Variants in WWP2 observed in about 807,000 individuals in gnomAD.
WWP2 encodes WW domain containing E3 ubiquitin protein ligase 2, also known as NEDD4-like E3 ubiquitin-protein ligase WWP2.
A neutral mutation model predicts 121.0 loss-of-function variants in WWP2; 57 were observed. The observed-to-expected ratio is 0.47, with a 90% confidence interval of 0.38 to 0.59. The LOEUF is 0.59. Among genes scored for constraint, WWP2 ranks in the 20% least tolerant of loss-of-function variants. The pLI, the probability that WWP2 is intolerant of heterozygous loss-of-function variation, is 0.00. For missense variants in WWP2, 962 were observed against 1,158.9 expected, an observed-to-expected ratio of 0.83 and a Z score of 2.47; for synonymous variants, 449 against 441.3, an observed-to-expected ratio of 1.02 and a Z score of -0.22.
At chr16:69,920,299 C>A (rs1007766616) in intron 10 of WWP2, among the ~76,000 whole-genome samples, 6 of 152,184 alleles carry the variant, frequency 3.9e-5, no homozygotes. Context: ...CCAGCCAGGG[C>A]CCCGCTGTCT....
Position 69,871,842 on chromosome 16 carries a change from C to T in WWP2, c.614C>T (p.Pro205Leu). 6.2e-7 allele frequency: 1 copy of T among 1,614,130 alleles called. No homozygotes were observed. The highest frequency in any genetic ancestry group is 8.5e-7 in the Non-Finnish European group (1 of 1,180,036). The change falls in exon 7 of 24, where the codon CCA (proline) becomes CTA (leucine). Residue 205 changes from proline (P) to leucine (L), a missense_variant. By Grantham distance (98) the Pro-to-Leu change is moderately conservative (BLOSUM62 -3). Coordinates refer to ENST00000359154, the MANE Select transcript of WWP2 (RefSeq NM_001270454.2). ...TCGGGTGCTTCAGCCAGAACAACCC[C>T]AGCAACCGGCGAGCAAAGCCCCGGT... is the stretch of plus-strand genomic sequence containing the variant. ...RHSGASARTT[P>L]ATGEQSPGAR... is the part of the protein sequence containing the mutation.
At chr16:69,924,424 T>C (rs1174031974) in intron 10 of WWP2, among the ~76,000 whole-genome samples, 1 of 152,074 alleles carries the variant, frequency 6.6e-6, no homozygotes, top group Non-Finnish European at 1.5e-5. Flanking sequence ...AAAATAAAAA[T>C]GCTTCAGAAA....
At chr16:69,816,720 C>T (rs1052235688) in intron 4 of WWP2, among the ~76,000 whole-genome samples, 1 of 152,054 alleles carries the variant, frequency 6.6e-6, no homozygotes, top group African/African-American at 2.4e-5. Context: ...TACACATGTA[C>T]ATACACACAT....
chr16:69,785,810 A>G lies in WWP2; in HGVS notation c.-15-1186A>G, dbSNP rs530339497. 4.6e-5 allele frequency among the ~76,000 whole-genome samples: 7 copies of G among 151,890 alleles called. No homozygotes were observed. In the East Asian group the frequency reaches 1.2e-3, roughly 25 times the overall value. On this transcript the variant is annotated intron_variant, in intron 1 of 23. Coordinates refer to ENST00000359154, the MANE Select transcript of WWP2 (RefSeq NM_001270454.2). ...CCCGACAAATTTGTTGTTTTTTAGT[A>G]TAGATGGGGTTTCATCATTATGGCC...
intron 8 of WWP2, among the ~76,000 whole-genome samples, chr16:69,904,294 T>C (rs1256814177): frequency 2.0e-5 from 3 of 152,092 alleles, no homozygotes. Context: ...CCTCTTGAGC[T>C]GGCAATATTG....
intron 10 of WWP2, among the ~76,000 whole-genome samples, chr16:69,918,138 G>A (rs1272353602): frequency 2.0e-5 from 3 of 152,204 alleles, no homozygotes; most frequent in East Asian, 1.9e-4. Flanking sequence ...TCTTTCTTCC[G>A]AGATCGGCTT....
At chr16:69,814,720 A>G (rs968039822) in intron 4 of WWP2, among the ~76,000 whole-genome samples, 1 of 152,216 alleles carries the variant, frequency 6.6e-6, no homozygotes, top group Non-Finnish European at 1.5e-5. Flanking sequence ...CAGGCCAGTC[A>G]TGAGCGGTGG....
chr16:69,833,509 A>G (rs1597022077), intron 4 of WWP2, among the ~76,000 whole-genome samples: 1 of 152,238 alleles, frequency 6.6e-6, no homozygotes, highest in Admixed American at 6.5e-5. Context: ...TTCAAAGGGC[A>G]CAGTCCCTGG....
chr16:69,911,356 C>G (rs776053002), intron 9 of WWP2, among the ~76,000 whole-genome samples: 5 of 152,154 alleles, frequency 3.3e-5, no homozygotes, highest in Admixed American at 2.6e-4. Flanking sequence ...CACTGTGAAA[C>G]AAGAGGATTG....
rs1283835088 is a variant in WWP2 at position 69,865,800 on chromosome 16, G to A, written c.576-6004G>A. ...CCTGTCCATCAGAAGGTGAAGCAGA[G>A]GACAGAAAGATACTGAGTGCACAGC... On this transcript the variant is annotated intron_variant, in intron 6 of 23. Coordinates refer to ENST00000359154, the MANE Select transcript of WWP2 (RefSeq NM_001270454.2). Among the ~76,000 whole-genome samples the A allele has an allele frequency of 7.2e-5, 11 of 152,186 alleles. No homozygotes were observed. The South Asian group carries it at 2.3e-3, about 31-fold the overall frequency.
chr16:69,843,688 G>A (rs1418486852), intron 6 of WWP2, among the ~76,000 whole-genome samples: 1 of 151,876 alleles, frequency 6.6e-6, no homozygotes, highest in African/African-American at 2.4e-5. Context: ...GGGCAACCTA[G>A]GGAGGCTCTG....
intron 6 of WWP2, among the ~76,000 whole-genome samples, chr16:69,846,548 T>A (rs536818228): frequency 5.1e-4 from 77 of 152,014 alleles, no homozygotes; most frequent in African/African-American, 1.8e-3. Flanking sequence ...TGGCGAAACT[T>A]CTTCTCTACT....
chr16:69,858,067 G>A (rs1388663192), intron 6 of WWP2, among the ~76,000 whole-genome samples: 1 of 151,960 alleles, frequency 6.6e-6, no homozygotes. Context: ...GGGAGATTAG[G>A]GCCCGGTTGG....
intron 4 of WWP2, among the ~76,000 whole-genome samples, chr16:69,836,374 T>A (rs1178987861): frequency 6.6e-6 from 1 of 152,108 alleles, no homozygotes; most frequent in Non-Finnish European, 1.5e-5. Flanking sequence ...TGTCTCACAT[T>A]CTGGCATCTG....
intron 4 of WWP2, among the ~76,000 whole-genome samples, chr16:69,800,179 C>T (rs77770514): frequency 5.0e-5 from 3 of 59,502 alleles, no homozygotes; most frequent in African/African-American, 1.7e-4. Flanking sequence ...CTGGTCTTTT[C>T]TTTTCGGCTG....
chr16:69,849,150 G>A (rs1454346295), intron 6 of WWP2, among the ~76,000 whole-genome samples: 12 of 152,204 alleles, frequency 7.9e-5, no homozygotes, highest in Admixed American at 7.2e-4. Context: ...AAACTCAGGC[G>A]GGTGTGAGTC....
intron 2 of WWP2, among the ~76,000 whole-genome samples, chr16:69,795,604 G>T (rs1363965748): frequency 1.1e-4 from 12 of 104,870 alleles, no homozygotes; most frequent in Non-Finnish European, 2.1e-4. Context: ...AGTATTTATT[G>T]TTCTATTTCA....
chr16:69,900,504 A>G (rs1392488748), intron 8 of WWP2, among the ~76,000 whole-genome samples: 3 of 151,444 alleles, frequency 2.0e-5, no homozygotes, highest in South Asian at 2.1e-4. Context: ...TTATAGATGC[A>G]TATATTTTAA....
At chr16:69,827,852 T>C in intron 4 of WWP2, 1 of 454,754 alleles carries the variant, frequency 2.2e-6, no homozygotes, top group Admixed American at 2.4e-5. Context: ...GATAATTTAT[T>C]CTAAAGACTT....
Sources: gnomAD v4.1 joint callset for allele counts (sites outside exome capture counted in the v4.1 genomes callset) on GRCh38, gnomAD v4.1.1 for gene constraint, MANE v1.5 for transcripts, NCBI Gene and HGNC (gene_info 2026-07-23, HGNC 2026-07-21) for gene names.